RBPMS: variants seen among roughly 807,000 people sequenced by gnomAD.
RBPMS encodes the protein RNA binding protein, mRNA processing factor, also known as RNA-binding protein with multiple splicing.
A neutral mutation model predicts 26.8 loss-of-function variants in RBPMS; 7 were observed. The ratio of observed to expected loss-of-function variants is 0.26; its 90% CI spans 0.15 to 0.49. The LOEUF (loss-of-function observed/expected upper bound fraction) is 0.49, where lower values mean the gene tolerates loss of function less well. Among genes scored for constraint, RBPMS ranks in the 20% least tolerant of loss-of-function variants. RBPMS has a pLI of 0.98. For missense variants in RBPMS, 186 were observed against 250.0 expected (o/e 0.74, Z 1.73); for synonymous variants, 96 against 93.3 (o/e 1.03, Z -0.17).
At chr8:30,445,033 G>A (rs980275125) in intron 1 of RBPMS, among the ~76,000 whole-genome samples, 2 of 151,876 alleles carry the variant, frequency 1.3e-5, no homozygotes, top group African/African-American at 4.8e-5. Context: ...AAAGAGAGGT[G>A]GCTTCTGAGT....
At chr8:30,549,424 C>T in intron 6 of RBPMS, 1 of 1,292,008 alleles carries the variant, frequency 7.7e-7, no homozygotes, top group Non-Finnish European at 1.1e-6. Flanking sequence ...CTGTTCTGCC[C>T]AAGGCCTTCC....
chr8:30,557,189 C>T lies in RBPMS; in HGVS notation c.529-1698C>T, dbSNP rs1827008136. Among the ~76,000 whole-genome samples the T allele has an allele frequency of 2.6e-5, 4 of 152,306 alleles. No homozygotes were observed. In the East Asian group the frequency reaches 5.8e-4, roughly 22 times the overall value. On this transcript the variant is annotated intron_variant, in intron 6 of 8. Transcript: ENST00000397323. ...CAATGCACAGGCAGCCTGACGGAGT[C>T]GTGGTGCAGGCAGAAGCTCCGGTAT...
At chr8:30,389,565 G>A (rs532489016) in intron 1 of RBPMS, among the ~76,000 whole-genome samples, 3 of 152,238 alleles carry the variant, frequency 2.0e-5, no homozygotes, top group African/African-American at 7.2e-5. Flanking sequence ...ATGTGTTCAG[G>A]CCCTTTGATT....
intron 1 of RBPMS, among the ~76,000 whole-genome samples, chr8:30,469,356 G>C (rs997899435): frequency 6.6e-6 from 1 of 152,244 alleles, no homozygotes; most frequent in African/African-American, 2.4e-5. Context: ...CCTAGTGGGA[G>C]CTGGCAATGC....
chr8:30,428,049 G>T (rs1340809056), intron 1 of RBPMS, among the ~76,000 whole-genome samples: 1 of 131,398 alleles, frequency 7.6e-6, no homozygotes, highest in Non-Finnish European at 1.6e-5. Flanking sequence ...TTTTGAGATG[G>T]AGTCTTACTC....
chr8:30,558,575 G>A lies in RBPMS; in HGVS notation c.529-312G>A, dbSNP rs553370176. On this transcript the variant is annotated intron_variant, in intron 6 of 8. Transcript: ENST00000397323. ...CCTGGGAAAAGGAATTCGCTGTGCC[G>A]GATCTTAGCCTCAAATGGCTGCTAA... The A allele has an allele frequency of 1.2e-3, 561 of 475,720 alleles. 2 individuals carry two copies. Among genetic ancestry groups the A allele is most frequent in the Non-Finnish European group, 1.8e-3 (471 of 257,450 alleles). The allele number at this position is 475,720 out of a possible 1,614,324, so 29.5% of individuals were successfully genotyped here. A position where few individuals can be genotyped will look rare whatever the true frequency, so the allele number is the denominator to read the frequency against.
rs1376310766 is a variant in RBPMS at position 30,463,648 on chromosome 8, GGA to G, written c.67-11130_67-11129del. ...AGTGAAGCCATGCTAAAGGTGAAGGGGATTAAGCTCCACTTCTTTAAGGGAGG... is the reference window on the plus strand; with the variant it reads ...AGTGAAGCCATGCTAAAGGTGAAGGGTTAAGCTCCACTTCTTTAAGGGAGG... On this transcript the variant is annotated intron_variant, in intron 1 of 8. Transcript: ENST00000397323. Among the ~76,000 whole-genome samples, 265 of 152,278 alleles carry G rather than the reference GGA, an allele frequency of 1.7e-3. 2 individuals carry two copies. Among genetic ancestry groups the G allele is most frequent in the African/African-American group, 6.2e-3 (256 of 41,566 alleles).
chr8:30,438,734 C>T (rs553448350), intron 1 of RBPMS, among the ~76,000 whole-genome samples: 2 of 152,168 alleles, frequency 1.3e-5, no homozygotes, highest in Non-Finnish European at 2.9e-5. Context: ...AAGTTCGCAT[C>T]GTATCTATAT....
At chr8:30,511,484 A>ATATATATATATATAT (rs1821645539) in intron 5 of RBPMS, among the ~76,000 whole-genome samples, 1 of 6,144 alleles carries the variant, frequency 1.6e-4, no homozygotes, top group African/African-American at 3.4e-4. Flanking sequence ...AAAAAAAAAA[A>ATATATATATATATAT]AAATATATAT....
At chr8:30,499,870 C>CTGTGTGTGTG (rs10543546) in intron 4 of RBPMS, among the ~76,000 whole-genome samples, 2 of 150,188 alleles carry the variant, frequency 1.3e-5, no homozygotes, top group African/African-American at 4.9e-5. Flanking sequence ...TCAGGGGAAA[C>CTGTGTGTGTG]TGTGTGTGTG....
At chr8:30,443,850 C>T (rs1813416742) in intron 1 of RBPMS, among the ~76,000 whole-genome samples, 1 of 152,130 alleles carries the variant, frequency 6.6e-6, no homozygotes, top group African/African-American at 2.4e-5. Flanking sequence ...CCGCCTCGGC[C>T]TCCCAAAATG....
At chr8:30,422,302 A>G (rs1332002750) in intron 1 of RBPMS, among the ~76,000 whole-genome samples, 1 of 151,724 alleles carries the variant, frequency 6.6e-6, no homozygotes, top group East Asian at 1.9e-4. Flanking sequence ...TTTAATTTAG[A>G]TAGGGTTTCG....
intron 5 of RBPMS, among the ~76,000 whole-genome samples, chr8:30,540,751 TCTTGA>T (rs1332214354): frequency 6.6e-6 from 1 of 152,216 alleles, no homozygotes; most frequent in Non-Finnish European, 1.5e-5. Context: ...TTTAAAGTTG[TCTTGA>T]CTTGAGTGTG....
At chr8:30,469,219 A>C (rs1816829768) in intron 1 of RBPMS, among the ~76,000 whole-genome samples, 1 of 152,236 alleles carries the variant, frequency 6.6e-6, no homozygotes, top group Non-Finnish European at 1.5e-5. Flanking sequence ...TATTAAAGAG[A>C]GGGCCATTTC....
chr8:30,461,459 A>G (rs757020555), intron 1 of RBPMS, among the ~76,000 whole-genome samples: 1 of 152,128 alleles, frequency 6.6e-6, no homozygotes, highest in Non-Finnish European at 1.5e-5. Context: ...CAGTGGCCCA[A>G]TCTCGGCTCA....
At chr8:30,567,464 A>C (rs770729157) in intron 8 of RBPMS, among the ~76,000 whole-genome samples, 1 of 152,180 alleles carries the variant, frequency 6.6e-6, no homozygotes, top group Non-Finnish European at 1.5e-5. Flanking sequence ...GGTCTATCCC[A>C]CTAGGCCCAC....
intron 5 of RBPMS, among the ~76,000 whole-genome samples, chr8:30,531,310 T>C (rs1212803215): frequency 2.0e-5 from 3 of 151,384 alleles, no homozygotes; most frequent in East Asian, 3.9e-4. Context: ...TGTGTTGGAT[T>C]ACCCACCAAA....
chr8:30,477,190 C>T (rs926454854), intron 2 of RBPMS, among the ~76,000 whole-genome samples: 1 of 152,090 alleles, frequency 6.6e-6, no homozygotes, highest in Non-Finnish European at 1.5e-5. Context: ...GTAGCTGGGA[C>T]TACAGGCACC....
intron 1 of RBPMS, among the ~76,000 whole-genome samples, chr8:30,472,460 G>T (rs187821023): frequency 6.6e-6 from 1 of 152,174 alleles, no homozygotes; most frequent in South Asian, 2.1e-4. Flanking sequence ...ACTTTTGGTG[G>T]TGATAGATTG....
Sources: gnomAD v4.1 joint callset for allele counts (sites outside exome capture counted in the v4.1 genomes callset) on GRCh38, gnomAD v4.1.1 for gene constraint, MANE v1.5 for transcripts, NCBI Gene and HGNC (gene_info 2026-07-23, HGNC 2026-07-21) for gene names.